TSGA10: variants seen among roughly 807,000 people sequenced by gnomAD.
TSGA10 encodes the protein testis-specific gene 10 protein.
TSGA10 carries 43 observed loss-of-function variants against 96.6 expected under a neutral mutation model. The observed-to-expected ratio is 0.44, with a 90% confidence interval of 0.35 to 0.57. The LOEUF is 0.57. Ranked by LOEUF, TSGA10 falls within the 20% of genes least tolerant of loss-of-function variation. TSGA10 has a pLI of 0.01. For missense variants in TSGA10, 703 were observed against 834.4 expected (o/e 0.84, Z 1.94); for synonymous variants, 229 against 269.9 (o/e 0.85, Z 1.48).
At chr2:99,101,676 G>C (rs901966180) in intron 10 of TSGA10, among the ~76,000 whole-genome samples, 20 of 152,176 alleles carry the variant, frequency 1.3e-4, no homozygotes, top group African/African-American at 3.1e-4. Context: ...AGGAGAGAGA[G>C]AGAAAAGAAC....
At chr2:99,066,494 G>A (rs1377858430) in intron 15 of TSGA10, among the ~76,000 whole-genome samples, 1 of 152,094 alleles carries the variant, frequency 6.6e-6, no homozygotes, top group Admixed American at 6.5e-5. Context: ...GTGTTGCTAG[G>A]TGTGGATGTA....
chr2:99,118,476 T>C (rs1162419127), intron 3 of TSGA10, 75 bp downstream of exon 3: 5 of 422,452 alleles, frequency 1.2e-5, no homozygotes, highest in East Asian at 1.6e-4. Flanking sequence ...AAAGTATATA[T>C]ACATATATAT....
chr2:99,108,170 AAATAC>A (rs1460046113), intron 7 of TSGA10, among the ~76,000 whole-genome samples: 9 of 152,194 alleles, frequency 5.9e-5, no homozygotes, highest in Admixed American at 5.2e-4. Context: ...AAAAATCAAT[AAATAC>A]AATATACTTT....
chr2:99,096,227 C>A (rs2090019079), intron 10 of TSGA10, among the ~76,000 whole-genome samples: 1 of 152,126 alleles, frequency 6.6e-6, no homozygotes, highest in South Asian at 2.1e-4. Flanking sequence ...AAAAGTTTAT[C>A]AAGAGTAGTT....
chr2:99,020,384 C>A lies in TSGA10; in HGVS notation c.1713G>T (p.Leu571=). 2 of 1,613,858 alleles carry A rather than the reference C, an allele frequency of 1.2e-6. No homozygotes were observed. The highest frequency in any genetic ancestry group is 2.7e-5 in the African/African-American group (2 of 75,012). The change falls in exon 18 of 21, where the codon CTG becomes CTT. Residue 571 remains leucine, a synonymous_variant. Transcript: ENST00000393483. Reference sequence around the variant, plus strand: ...GATATTCTTTGTCTCGATTGGCCACCAGCAAAGCTTCTAGATTCTGCATGG... The same window carrying A: ...GATATTCTTTGTCTCGATTGGCCACAAGCAAAGCTTCTAGATTCTGCATGG... ...RISMQNLEAL[L]VANRDKEYQS...
intron 4 of TSGA10, among the ~76,000 whole-genome samples, chr2:99,116,935 T>C (rs905056081): frequency 6.6e-6 from 1 of 152,214 alleles, no homozygotes; most frequent in Non-Finnish European, 1.5e-5. Flanking sequence ...AAATTGTTAA[T>C]GATAGTCACC....
intron 2 of TSGA10, among the ~76,000 whole-genome samples, chr2:99,119,836 GCTA>G (rs2092478504): frequency 6.6e-6 from 1 of 152,028 alleles, no homozygotes; most frequent in Admixed American, 6.6e-5. Context: ...TATTATTTCA[GCTA>G]CTTTCTTTTA....
intron 20 of TSGA10, among the ~76,000 whole-genome samples, chr2:99,005,971 C>G (rs1288354126): frequency 6.6e-6 from 1 of 151,904 alleles, no homozygotes; most frequent in Non-Finnish European, 1.5e-5. Flanking sequence ...CAGAACAGAG[C>G]CCTCAGAAAT....
At chr2:99,004,107 A>G (rs2078245419) in intron 20 of TSGA10, among the ~76,000 whole-genome samples, 2 of 152,232 alleles carry the variant, frequency 1.3e-5, no homozygotes, top group Admixed American at 1.3e-4. Context: ...AAAAAATGAT[A>G]AAGGGGATAT....
intron 14 of TSGA10, 75 bp downstream of exon 14, chr2:99,071,631 T>G (rs2085974970): frequency 2.1e-6 from 3 of 1,441,072 alleles, no homozygotes; most frequent in East Asian, 2.3e-5. Context: ...TTCTATAAAA[T>G]AAAATGAGGG....
At position 99,109,027 on chromosome 2, in the gene TSGA10, T is replaced by C. The variant is rs1378669195; in HGVS notation, c.52-36A>G. On this transcript the variant is annotated intron_variant, in intron 6 of 20. Transcript: ENST00000393483. ...ATAAGGAATTTGAAATCTTCTTTGA[T>C]ATATAGTACTGATAGAAAGGTGCTA... 4 of 1,427,796 alleles carry C rather than the reference T, an allele frequency of 2.8e-6. No individual in the cohort carries two copies. The South Asian group carries it at 6.4e-5, about 23-fold the overall frequency. The allele number at this position is 1,427,796 out of a possible 1,614,324, so 88.4% of individuals were successfully genotyped here.
At chr2:99,141,232 A>G (rs1230838725) in intron 1 of TSGA10, 10 of 897,782 alleles carry the variant, frequency 1.1e-5, no homozygotes, top group Admixed American at 4.2e-5. Flanking sequence ...CCACCCCCAA[A>G]TCGTCCTGGC....
chr2:99,115,830 G>A (rs1168887887), intron 4 of TSGA10, among the ~76,000 whole-genome samples: 1 of 152,142 alleles, frequency 6.6e-6, no homozygotes, highest in Non-Finnish European at 1.5e-5. Flanking sequence ...AGTGAGCCGA[G>A]ATCGCGCCAC....
intron 1 of TSGA10, among the ~76,000 whole-genome samples, chr2:99,153,634 A>G (rs2093716116): frequency 6.6e-6 from 1 of 152,234 alleles, no homozygotes; most frequent in Non-Finnish European, 1.5e-5. Flanking sequence ...TAATATAAGC[A>G]AAGAGCAACA....
At chr2:99,137,469 TGTA>T (rs1174249918) in intron 1 of TSGA10, among the ~76,000 whole-genome samples, 1 of 152,246 alleles carries the variant, frequency 6.6e-6, no homozygotes, top group African/African-American at 2.4e-5. Flanking sequence ...GGCCAAATCA[TGTA>T]AGGCCTTACA....
At chr2:99,073,120 T>C in intron 12 of TSGA10, 47 bp from the exon 13 acceptor site, 2 of 1,301,250 alleles carry the variant, frequency 1.5e-6, no homozygotes, top group Non-Finnish European at 2.2e-6. Flanking sequence ...TAAGCTGTTA[T>C]TTCTGTTAAA....
intron 20 of TSGA10, among the ~76,000 whole-genome samples, chr2:99,012,820 C>A (rs1407928286): frequency 6.6e-6 from 1 of 152,156 alleles, no homozygotes; most frequent in Non-Finnish European, 1.5e-5. Flanking sequence ...TACCCTAGAA[C>A]AAACGGACTT....
chr2:99,039,482 G>C (rs1442537383), intron 16 of TSGA10, among the ~76,000 whole-genome samples: 1 of 151,972 alleles, frequency 6.6e-6, no homozygotes, highest in Non-Finnish European at 1.5e-5. Context: ...AAATACAAAA[G>C]ATCATTCAAG....
At chr2:99,078,203 G>A (rs2086975458) in intron 12 of TSGA10, among the ~76,000 whole-genome samples, 1 of 150,260 alleles carries the variant, frequency 6.7e-6, no homozygotes. Context: ...CCCGGGAGGC[G>A]GAGCTTGCAG....
Sources: allele counts gnomAD v4.1 joint callset (sites outside exome capture counted in the v4.1 genomes callset), GRCh38; gene constraint gnomAD v4.1.1; transcripts MANE v1.5; gene names NCBI Gene and HGNC (gene_info 2026-07-23, HGNC 2026-07-21).